ABCG2: variants seen among roughly 807,000 people sequenced by gnomAD.
ABCG2 encodes the protein ATP binding cassette subfamily G member 2 (JR blood group), also known as broad substrate specificity ATP-binding cassette transporter ABCG2.
In ABCG2, 80 loss-of-function variants were observed where a neutral mutation model predicts 73.5. The ratio of observed to expected loss-of-function variants is 1.09; its 90% CI spans 0.91 to 1.31. The LOEUF (loss-of-function observed/expected upper bound fraction) is 1.31, where lower values mean the gene tolerates loss of function less well. ABCG2 is among the 50% of genes most tolerant of loss of function. The pLI is 0.00. For synonymous variants in ABCG2, 269 were observed against 282.4 expected, an observed-to-expected ratio of 0.95 and a Z score of 0.48; for missense variants, 796 against 786.2, an observed-to-expected ratio of 1.01 and a Z score of -0.15.
At chr4:88,159,054 A>C (rs898301579), upstream of ABCG2, 11 of 437,030 alleles carry the variant, frequency 2.5e-5, no homozygotes, top group Non-Finnish European at 4.6e-5. Context: ...AGCCGCCAGC[A>C]GGACTGGTAC....
At chr4:88,102,462 G>A in intron 10 of ABCG2, among the ~76,000 whole-genome samples, 1 of 151,958 alleles carries the variant, frequency 6.6e-6, no homozygotes, top group East Asian at 1.9e-4. Context: ...TGGGCGTGGT[G>A]GCAGGTGCCT....
rs576059485 is a variant in ABCG2 at position 88,177,748 on chromosome 4, G to C, written c.-19-37734C>G. On this transcript the variant is annotated intron_variant, in intron 1 of 15. Coordinates refer to the ABCG2 transcript ENST00000515655. ...CGGCAGTGGCCACATACCATGGAGAGAGAAATCTGTGTGTTGGGGGAGGGA... is the reference window on the plus strand; with the variant it reads ...CGGCAGTGGCCACATACCATGGAGACAGAAATCTGTGTGTTGGGGGAGGGA... 1.3e-4 allele frequency among the ~76,000 whole-genome samples: 20 copies of C among 152,272 alleles called. 2 individuals are homozygous for C. In the South Asian group the frequency reaches 4.1e-3, roughly 32 times the overall value.
At chr4:88,130,712 A>C (rs920185013) in intron 5 of ABCG2, among the ~76,000 whole-genome samples, 1 of 152,122 alleles carries the variant, frequency 6.6e-6, no homozygotes, top group Admixed American at 6.6e-5. Context: ...AGTGACTAAA[A>C]GGAGGAAGAG....
intron 1 of ABCG2, among the ~76,000 whole-genome samples, chr4:88,153,443 A>C (rs542193627): frequency 6.6e-6 from 1 of 151,432 alleles, no homozygotes; most frequent in South Asian, 2.1e-4. Context: ...GCAAGTGGTA[A>C]AAGTATTATC....
intron 12 of ABCG2, among the ~76,000 whole-genome samples, chr4:88,098,335 T>G (rs927396214): frequency 9.2e-5 from 14 of 152,010 alleles, no homozygotes; most frequent in African/African-American, 3.4e-4. Context: ...GGGTTTTGTG[T>G]GTGTGCATGT....
At chr4:88,137,515 C>T (rs568148521) in intron 2 of ABCG2, among the ~76,000 whole-genome samples, 8 of 152,238 alleles carry the variant, frequency 5.3e-5, no homozygotes, top group South Asian at 2.1e-4. Context: ...GAAAATACCA[C>T]GTTGAATGAG....
At chr4:88,119,645 C>A (rs1036510434) in intron 6 of ABCG2, among the ~76,000 whole-genome samples, 1 of 152,118 alleles carries the variant, frequency 6.6e-6, no homozygotes, top group South Asian at 2.1e-4. Flanking sequence ...TGGCATTTTG[C>A]CCCTGCCCTA....
intron 1 of ABCG2, among the ~76,000 whole-genome samples, chr4:88,215,783 G>C (rs1441480049): frequency 1.3e-5 from 2 of 152,156 alleles, no homozygotes; most frequent in Non-Finnish European, 2.9e-5. Flanking sequence ...TCATTAATTC[G>C]CTGCTTCCTA....
rs1018265161 is a variant in ABCG2 at position 88,212,955 on chromosome 4, C to T, written c.-20+18039G>A. On this transcript the variant is annotated intron_variant, in intron 1 of 15. Transcript: ENST00000515655. ...GCCCTGTTACCCAGGCTGGAGAGTG[C>T]AGTGGCGAGATCTTAGCCCACTTCA... 5.3e-5 allele frequency among the ~76,000 whole-genome samples: 8 copies of T among 152,228 alleles called. No individual in the cohort carries two copies. In the South Asian group the frequency reaches 8.3e-4, roughly 16 times the overall value.
chr4:88,169,940 G>A (rs1048894148), intron 1 of ABCG2, among the ~76,000 whole-genome samples: 6 of 151,738 alleles, frequency 4.0e-5, no homozygotes, highest in East Asian at 3.9e-4. Context: ...GTGAAACCCC[G>A]TCTCTACTAA....
At chr4:88,137,703 T>C (rs1725348318) in intron 2 of ABCG2, among the ~76,000 whole-genome samples, 1 of 151,948 alleles carries the variant, frequency 6.6e-6, no homozygotes, top group Admixed American at 6.6e-5. Flanking sequence ...ACAAAGGAGT[T>C]AAGGAGAAGG....
chr4:88,162,636 G>C (rs924294192), upstream of ABCG2, among the ~76,000 whole-genome samples: 3 of 152,142 alleles, frequency 2.0e-5, no homozygotes, highest in Non-Finnish European at 4.4e-5. Flanking sequence ...TTTTATAAAT[G>C]TATTGCACTG....
At chr4:88,222,196 A>C (rs1045973713) in intron 1 of ABCG2, among the ~76,000 whole-genome samples, 1 of 152,244 alleles carries the variant, frequency 6.6e-6, no homozygotes, top group African/African-American at 2.4e-5. Flanking sequence ...GCAGGTGTGC[A>C]GAAGTCAAGA....
At chr4:88,185,358 CTG>C (rs1445362231) in intron 1 of ABCG2, among the ~76,000 whole-genome samples, 1 of 152,182 alleles carries the variant, frequency 6.6e-6, no homozygotes. Context: ...GAGTGAAACT[CTG>C]TCAAAACAAA....
chr4:88,218,666 C>T (rs574980847), intron 1 of ABCG2, among the ~76,000 whole-genome samples: 7 of 152,266 alleles, frequency 4.6e-5, no homozygotes, highest in Admixed American at 3.3e-4. Flanking sequence ...TTAGCCCCTA[C>T]TTATGAGTGA....
In ABCG2 at chr4:88,158,544, C is replaced by T. The variant is rs753474975; in HGVS notation, c.-178G>A. 1 of 456,460 alleles carries T rather than the reference C, an allele frequency of 2.2e-6. No homozygotes were observed. Among genetic ancestry groups the T allele is most frequent in the South Asian group, 1.5e-5 (1 of 64,564 alleles). 28.3% of individuals were successfully genotyped at this position (456,460 alleles called of 1,614,324 possible). ...AGCAGTTTCCACTTAACAAGACCACCAAGCATGTGCACGGTGCGTTCCTAA... is the reference window on the plus strand; with the variant it reads ...AGCAGTTTCCACTTAACAAGACCACTAAGCATGTGCACGGTGCGTTCCTAA... On this transcript the variant is annotated 5_prime_UTR_variant, in exon 1 of 16. Transcript: ENST00000237612.
intron 1 of ABCG2, among the ~76,000 whole-genome samples, chr4:88,211,714 G>A (rs995699530): frequency 6.6e-6 from 1 of 152,174 alleles, no homozygotes; most frequent in African/African-American, 2.4e-5. Context: ...ACTGTGCCCG[G>A]CCGAGAACTC....
At chr4:88,108,848 T>C (rs187320762) in intron 9 of ABCG2, among the ~76,000 whole-genome samples, 1 of 152,246 alleles carries the variant, frequency 6.6e-6, no homozygotes, top group East Asian at 1.9e-4. Flanking sequence ...GGAAATCCAT[T>C]ATGCTGGCAT....
At chr4:88,154,747 C>T (rs563624623) in intron 1 of ABCG2, among the ~76,000 whole-genome samples, 3 of 151,922 alleles carry the variant, frequency 2.0e-5, no homozygotes, top group East Asian at 1.9e-4. Flanking sequence ...TTGTGGGAGA[C>T]GCAACAAAGA....
Sources: allele counts gnomAD v4.1 joint callset (sites outside exome capture counted in the v4.1 genomes callset), GRCh38; gene constraint gnomAD v4.1.1; transcripts MANE v1.5; gene names NCBI Gene and HGNC (gene_info 2026-07-23, HGNC 2026-07-21).